UGGT1: variants seen among roughly 807,000 people sequenced by gnomAD.
The protein encoded by UGGT1 is UDP-glucose:glycoprotein glucosyltransferase 1.
UGGT1 carries 107 observed loss-of-function variants against 203.9 expected under a neutral mutation model. That is an observed-to-expected ratio of 0.52 (90% CI 0.45 to 0.62). The LOEUF (loss-of-function observed/expected upper bound fraction) is 0.62, where lower values mean the gene tolerates loss of function less well. Among genes scored for constraint, UGGT1 ranks in the 20% least tolerant of loss-of-function variants. The probability of loss-of-function intolerance (pLI) is 0.00; values close to 1 mark genes in which losing one functional copy is unlikely to be tolerated. For synonymous variants in UGGT1, 628 were observed against 653.5 expected, an observed-to-expected ratio of 0.96 and a Z score of 0.59; for missense variants, 1,673 against 1,867.2, an observed-to-expected ratio of 0.90 and a Z score of 1.92.
chr2:128,170,285 C>T lies in UGGT1; in HGVS notation c.2922-3C>T. The stretch of plus-strand genomic sequence containing the variant: ...TTAATGTTTTATCCTTGTGATCTTT[C>T]AGTGCAATCAAACTGAGGCCGAAGG... On this transcript the variant is annotated splice_polypyrimidine_tract_variant and splice_region_variant and intron_variant, in intron 26 of 40. Transcript: ENST00000259253. The T allele has an allele frequency of 6.2e-7, 1 of 1,613,800 alleles. No individual in the cohort carries two copies. The highest frequency in any genetic ancestry group is 8.5e-7 in the Non-Finnish European group (1 of 1,179,702).
intron 17 of UGGT1, 143 bp from the exon 18 acceptor site, chr2:128,145,659 TA>T: frequency 1.2e-6 from 1 of 810,616 alleles, no homozygotes; most frequent in Non-Finnish European, 1.8e-6. Flanking sequence ...TTCATTTTTT[TA>T]AAAAGAAATA....
rs1055964005 is a variant in UGGT1, at chr2:128,125,331, G to A, written c.1135-2030G>A. On this transcript the variant is annotated intron_variant, in intron 11 of 40. Transcript: ENST00000259253. ...CCTGGCTGTGGGAAATCAGTTGGGG[G>A]GCTGGGGGGTTTTGTCTTAAAGGGC... 2.7e-4 allele frequency among the ~76,000 whole-genome samples: 41 copies of A among 152,104 alleles called. 1 individual carries two copies. The highest frequency in any genetic ancestry group is 4.9e-4 in the Non-Finnish European group (33 of 68,028).
At chr2:128,127,554 T>C (rs1688663538) in intron 12 of UGGT1, 102 bp downstream of exon 12, 1 of 879,332 alleles carries the variant, frequency 1.1e-6, no homozygotes, top group East Asian at 2.7e-5. Context: ...TGATGCAAAG[T>C]CTGATGGCTT....
chr2:128,134,435 G>A (rs780834102), intron 14 of UGGT1, among the ~76,000 whole-genome samples: 1 of 152,296 alleles, frequency 6.6e-6, no homozygotes, highest in Non-Finnish European at 1.5e-5. Flanking sequence ...GAGAGAATAC[G>A]TCTAAGTTGC....
In UGGT1 at chr2:128,160,438, TTAA is replaced by T; in HGVS notation, c.2563-17_2563-15del. 2.5e-6 allele frequency: 4 copies of T among 1,579,738 alleles called. No individual in the cohort carries two copies. The highest frequency in any genetic ancestry group is 3.4e-6 in the Non-Finnish European group (4 of 1,166,246). On this transcript the variant is annotated intron_variant, in intron 23 of 40. Coordinates refer to ENST00000259253, the MANE Select transcript of UGGT1 (RefSeq NM_020120.4). ...TTTGCTTAGTAACGACTATTTTTCCTTAATAATGATTACTTTCCTAGGGAATGG... is the reference window on the plus strand; with the variant it reads ...TTTGCTTAGTAACGACTATTTTTCCTTAATGATTACTTTCCTAGGGAATGG...
At chr2:128,092,267 G>C (rs1463931164) in intron 1 of UGGT1, among the ~76,000 whole-genome samples, 1 of 150,324 alleles carries the variant, frequency 6.7e-6, no homozygotes, top group Non-Finnish European at 1.5e-5. Flanking sequence ...GTCGAATTTA[G>C]CAACACTTGA....
At chr2:128,097,636 C>T in intron 2 of UGGT1, 72 bp downstream of exon 2, 2 of 1,559,778 alleles carry the variant, frequency 1.3e-6, no homozygotes. Context: ...CATTCAGGAG[C>T]TTTTTAAGGA....
chr2:128,187,167 A>G (rs137857147), intron 39 of UGGT1: 1 of 316,634 alleles, frequency 3.2e-6, no homozygotes, highest in Non-Finnish European at 5.7e-6. Context: ...CACAACTTAC[A>G]ATCTGCTGAG....
intron 9 of UGGT1, among the ~76,000 whole-genome samples, chr2:128,120,948 A>G (rs1688353034): frequency 3.8e-5 from 1 of 26,168 alleles, no homozygotes; most frequent in South Asian, 7.1e-4. Context: ...CCTGTGCTAC[A>G]TGCGTTAGTG....
rs1160682401 is a variant in UGGT1 at position 128,191,170 on chromosome 2, C to T, written c.*1428C>T. 3 of 152,192 alleles carry T rather than the reference C, an allele frequency of 2.0e-5. No homozygotes were observed. The highest frequency in any genetic ancestry group is 2.9e-5 in the Non-Finnish European group (2 of 68,042). The allele number at this position is 152,192 out of a possible 1,614,324, so 9.4% of individuals were successfully genotyped here. On this transcript the variant is annotated 3_prime_UTR_variant, in exon 41 of 41. Transcript: ENST00000259253. The stretch of plus-strand genomic sequence containing the variant: ...ATATTTTGCCTGTTTTTAAAAAATA[C>T]GAGGAGAGGGTGCAGATGGATACTG...
At chr2:128,165,558 A>G (rs2104761230) in intron 26 of UGGT1, among the ~76,000 whole-genome samples, 1 of 152,176 alleles carries the variant, frequency 6.6e-6, no homozygotes, top group Admixed American at 6.5e-5. Context: ...TTAGCCAGTC[A>G]TGGTGGCAGA....
intron 16 of UGGT1, chr2:128,139,693 G>T: frequency 6.5e-6 from 1 of 154,204 alleles, no homozygotes; most frequent in South Asian, 2.0e-4. Flanking sequence ...CTGAGATCCC[G>T]GGTGGCACCT....
At chr2:128,180,831 G>C in intron 35 of UGGT1, 59 bp from the exon 36 acceptor site, 4 of 1,539,668 alleles carry the variant, frequency 2.6e-6, no homozygotes, top group Non-Finnish European at 3.5e-6. Flanking sequence ...CTTACATTAT[G>C]AAAGCAGTTT....
At chr2:128,123,429 G>A (rs1409481307) in intron 11 of UGGT1, among the ~76,000 whole-genome samples, 183 bp downstream of exon 11, 1 of 152,186 alleles carries the variant, frequency 6.6e-6, no homozygotes, top group Admixed American at 6.5e-5. Flanking sequence ...ATAACTGAAA[G>A]CATGAAGTGG....
In UGGT1 at chr2:128,129,050, T is replaced by C. The variant is rs770320536; in HGVS notation, c.1248T>C (p.Asn416=). The C allele has an allele frequency of 6.2e-7, 1 of 1,610,684 alleles. No homozygotes were observed. The highest frequency in any genetic ancestry group is 8.5e-7 in the Non-Finnish European group (1 of 1,179,072). Residue 416 remains asparagine (N), a synonymous_variant, in exon 13 of 41, where the codon AAT becomes AAC. Coordinates refer to ENST00000259253, the MANE Select transcript of UGGT1 (RefSeq NM_020120.4). The stretch of plus-strand genomic sequence containing the variant: ...CCAGTCTGTTTGATGTGTTGAGGAA[T>C]GAAGCTCGGGTAATGGAGGGTCTGC... The part of the protein sequence containing the change: ...DIFSLFDVLR[N]EARVMEGLHR...
intron 35 of UGGT1, among the ~76,000 whole-genome samples, chr2:128,180,395 C>G (rs1691631634): frequency 6.6e-6 from 1 of 152,098 alleles, no homozygotes; most frequent in African/African-American, 2.4e-5. Context: ...ATTCAATAAC[C>G]ATTCTCCTTG....
chr2:128,109,835 G>A (rs1293126305), intron 5 of UGGT1, 89 bp downstream of exon 5: 4 of 1,047,484 alleles, frequency 3.8e-6, no homozygotes, highest in Non-Finnish European at 5.9e-6. Context: ...CATCTGTTTT[G>A]TATCATTAGG....
rs748902581 is a variant in UGGT1 at position 128,159,591 on chromosome 2, C to T, written c.2433C>T (p.Ser811=). ...KEISYENTQI[S]RAIWAALQTQ... ...TAAGCTATGAGAACACTCAGATCTC[C>T]AGAGCAATCTGGGCAGCTCTCCAAA... Residue 811 remains serine, a synonymous_variant, in exon 23 of 41, where the codon TCC becomes TCT. Coordinates refer to ENST00000259253, the MANE Select transcript of UGGT1 (RefSeq NM_020120.4). The T allele has an allele frequency of 1.3e-5, 21 of 1,614,026 alleles. No individual in the cohort carries two copies. The highest frequency in any genetic ancestry group is 4.0e-5 in the African/African-American group (3 of 74,910).
intron 13 of UGGT1, among the ~76,000 whole-genome samples, chr2:128,132,454 A>G (rs777020436): frequency 6.6e-6 from 1 of 152,136 alleles, no homozygotes. Context: ...GGGCTGAGGC[A>G]CGAGAATCGT....
Sources: allele counts gnomAD v4.1 joint callset (sites outside exome capture counted in the v4.1 genomes callset), GRCh38; gene constraint gnomAD v4.1.1; transcripts MANE v1.5; gene names NCBI Gene and HGNC (gene_info 2026-07-23, HGNC 2026-07-21).